RELL1: variants seen among roughly 807,000 people sequenced by gnomAD.
RELL1 encodes RELT-like protein 1.
Under a neutral mutation model 23.0 loss-of-function variants are expected in RELL1, and 10 were observed. That is an observed-to-expected ratio of 0.43 (90% CI 0.27 to 0.74). The LOEUF (loss-of-function observed/expected upper bound fraction) is 0.74. Among genes scored for constraint, RELL1 ranks in the 30% least tolerant of loss-of-function variants. The pLI is 0.19. For missense variants in RELL1, 315 were observed against 364.4 expected, an observed-to-expected ratio of 0.86 and a Z score of 1.10; for synonymous variants, 146 against 146.8, an observed-to-expected ratio of 0.99 and a Z score of 0.04.
intron 6 of RELL1, among the ~76,000 whole-genome samples, chr4:37,629,993 A>G (rs1020759125): frequency 4.6e-5 from 7 of 152,192 alleles, no homozygotes; most frequent in Non-Finnish European, 1.0e-4. Context: ...CCAGTGAGGC[A>G]TAGAAAGCTC....
At chr4:37,669,216 C>T (rs1158770590) in intron 1 of RELL1, among the ~76,000 whole-genome samples, 1 of 136,506 alleles carries the variant, frequency 7.3e-6, no homozygotes, top group Non-Finnish European at 1.5e-5. Context: ...TGGCCAGCCG[C>T]CCCGTCCGGG....
At chr4:37,592,280 G>C (rs1000890200) in intron 6 of RELL1, among the ~76,000 whole-genome samples, 3 of 149,926 alleles carry the variant, frequency 2.0e-5, no homozygotes, top group African/African-American at 7.4e-5. Flanking sequence ...ACTTTGGAAG[G>C]CTGAGGTGAG....
intron 3 of RELL1, among the ~76,000 whole-genome samples, chr4:37,646,932 C>T (rs898379855): frequency 6.6e-6 from 1 of 152,058 alleles, no homozygotes. Context: ...ACTATTTTGC[C>T]CAGGCTGGTC....
intron 6 of RELL1, among the ~76,000 whole-genome samples, chr4:37,622,368 T>A (rs1023602979): frequency 1.3e-5 from 2 of 152,190 alleles, no homozygotes; most frequent in African/African-American, 2.4e-5. Context: ...GAGAAAAGGT[T>A]TAAGAGGTGA....
intron 6 of RELL1, among the ~76,000 whole-genome samples, chr4:37,594,161 A>G (rs1173321786): frequency 2.0e-5 from 3 of 152,182 alleles, no homozygotes; most frequent in Admixed American, 2.0e-4. Context: ...TCTTTACTCC[A>G]GTATCCAGGA....
intron 5 of RELL1, 126 bp from the exon 6 acceptor site, chr4:37,631,649 A>T: frequency 9.7e-7 from 1 of 1,026,792 alleles, no homozygotes. Flanking sequence ...ACACAAATGA[A>T]AAACAACATA....
intron 1 of RELL1, among the ~76,000 whole-genome samples, chr4:37,684,325 T>C (rs1241745993): frequency 6.6e-6 from 1 of 151,556 alleles, no homozygotes; most frequent in African/African-American, 2.4e-5. Context: ...AGACACCTGT[T>C]TCTTCTTCCG....
rs377547736 is a variant in RELL1 at position 37,630,465 on chromosome 4, C to T, written c.*3+920G>A. Reference sequence around the variant, plus strand: ...CTGCAAGCTCCGCCTCCCGGGTTCACGCCATTCTCCTGCCTCAGCCTCCTG... The same window carrying T: ...CTGCAAGCTCCGCCTCCCGGGTTCATGCCATTCTCCTGCCTCAGCCTCCTG... On this transcript the variant is annotated intron_variant, in intron 6 of 6. Transcript: ENST00000454158. Among the ~76,000 whole-genome samples the T allele has an allele frequency of 4.0e-3, 591 of 147,676 alleles. 6 individuals are homozygous for T. The highest frequency in any genetic ancestry group is 0.014 in the African/African-American group (562 of 40,110).
At chr4:37,642,802 G>A (rs950004485) in intron 3 of RELL1, among the ~76,000 whole-genome samples, 5 of 152,164 alleles carry the variant, frequency 3.3e-5, no homozygotes, top group African/African-American at 9.7e-5. Flanking sequence ...GCAGGGTTCT[G>A]GGACTGGAAA....
chr4:37,605,830 AG>A (rs1474757718), downstream of RELL1, among the ~76,000 whole-genome samples: 5 of 122,372 alleles, frequency 4.1e-5, no homozygotes, highest in South Asian at 5.3e-4. Flanking sequence ...AAAGAAAGAA[AG>A]AAAGAAAGAA....
intron 1 of RELL1, among the ~76,000 whole-genome samples, chr4:37,681,552 G>A (rs568380635): frequency 5.0e-5 from 7 of 140,416 alleles, no homozygotes; most frequent in South Asian, 2.3e-4. Context: ...TTTTTGAGAC[G>A]GAGTCTTGCT....
intron 1 of RELL1, among the ~76,000 whole-genome samples, chr4:37,656,683 G>T (rs1251806222): frequency 6.6e-6 from 1 of 152,224 alleles, no homozygotes; most frequent in Non-Finnish European, 1.5e-5. Context: ...AGTTAACGTT[G>T]TTCTCACAGA....
At chr4:37,685,127 A>G (rs566483556) in intron 1 of RELL1, among the ~76,000 whole-genome samples, 48 of 152,324 alleles carry the variant, frequency 3.2e-4, no homozygotes, top group African/African-American at 1.1e-3. Context: ...AGTGAAGGCC[A>G]AACTGCTAAG....
At chr4:37,642,394 C>A (rs562253503) in intron 3 of RELL1, among the ~76,000 whole-genome samples, 28 of 152,318 alleles carry the variant, frequency 1.8e-4, no homozygotes, top group African/African-American at 6.3e-4. Context: ...AACATCCATA[C>A]AATGCAAGAA....
chr4:37,590,893 G>A (rs1388470766), exon 7 of RELL1: 11 of 1,614,070 alleles, frequency 6.8e-6, no homozygotes, highest in South Asian at 1.1e-5. Flanking sequence ...CCATGGCTCC[G>A]ATGGAGATGG....
chr4:37,598,078 A>AATATATATATATATAT (rs138367525), intron 6 of RELL1, among the ~76,000 whole-genome samples: 2,349 of 126,640 alleles, frequency 0.019, 38 homozygotes, highest in Non-Finnish European at 0.027. Context: ...TATATATCAT[A>AATATATATATATATAT]ATATATATAT....
At chr4:37,598,252 CAAAAAAAAAAAAAAAAAAAA>C (rs56142508) in intron 6 of RELL1, among the ~76,000 whole-genome samples, 3 of 11,344 alleles carry the variant, frequency 2.6e-4, no homozygotes, top group South Asian at 3.6e-3. Flanking sequence ...AACTCTGTCT[CAAAAAAAAAAAAAAAAAAAA>C]AAAAAAAAAA....
chr4:37,602,255 T>A (rs1719036074), intron 6 of RELL1, among the ~76,000 whole-genome samples: 1 of 145,728 alleles, frequency 6.9e-6, no homozygotes, highest in Admixed American at 6.8e-5. Flanking sequence ...CAGCACTGCC[T>A]GTCTTCCCTC....
intron 1 of RELL1, among the ~76,000 whole-genome samples, chr4:37,668,570 A>C (rs375391424): frequency 4.0e-5 from 6 of 151,856 alleles, no homozygotes; most frequent in African/African-American, 7.3e-5. Context: ...TCGCTACAAC[A>C]TCCACCTCCC....
Sources: gnomAD v4.1 joint callset for allele counts (sites outside exome capture counted in the v4.1 genomes callset) on GRCh38, gnomAD v4.1.1 for gene constraint, MANE v1.5 for transcripts, NCBI Gene and HGNC (gene_info 2026-07-23, HGNC 2026-07-21) for gene names.